IL16: variants seen among roughly 807,000 people sequenced by gnomAD.
The protein encoded by IL16 is interleukin 16.
A neutral mutation model predicts 110.1 loss-of-function variants in IL16; 67 were observed. That is an observed-to-expected ratio of 0.61 (90% CI 0.50 to 0.75). The LOEUF (loss-of-function observed/expected upper bound fraction) is 0.75. Among genes scored for constraint, IL16 ranks in the 30% least tolerant of loss-of-function variants. The pLI is 0.00. For synonymous variants in IL16, 689 were observed against 662.9 expected (o/e 1.04, Z -0.61); for missense variants, 1,545 against 1,655.0 (o/e 0.93, Z 1.15).
chr15:81,306,549 TG>T lies in IL16; in HGVS notation c.3805+8del, dbSNP rs762047453. The T allele has an allele frequency of 2.0e-5, 32 of 1,612,044 alleles. No individual in the cohort carries two copies. Among genetic ancestry groups the T allele is most frequent in the Non-Finnish European group, 2.5e-5 (29 of 1,179,990 alleles). ...ACCATTAACAGGATTTTCAAAGGTG[TG>T]GGGTGTGTCTGGTTCTTTGCGTGCT... is the stretch of plus-strand genomic sequence containing the variant. On this transcript the variant is annotated splice_donor_5th_base_variant and intron_variant, in intron 18 of 18. Transcript: ENST00000683961.
intron 2 of IL16, among the ~76,000 whole-genome samples, chr15:81,246,514 T>G (rs1159796869): frequency 2.0e-5 from 3 of 152,236 alleles, no homozygotes; most frequent in Non-Finnish European, 4.4e-5. Context: ...CAACAAATCT[T>G]TGAATCCCTG....
At chr15:81,210,465 A>G (rs1312869592) in intron 1 of IL16, among the ~76,000 whole-genome samples, 1 of 152,212 alleles carries the variant, frequency 6.6e-6, no homozygotes, top group African/African-American at 2.4e-5. Context: ...ATGGCCATTT[A>G]AACAATATTG....
In IL16 at chr15:81,299,733, G is replaced by C; in HGVS notation, c.2407G>C (p.Ala803Pro). ...RQSLKGLRNR[A>P]SDPRGLPDPA... ...AAGCTTGAAAGGTTTGAGGAATCGTGCTTCAGACCCAAGAGGGCTCCCTGA... is the reference window on the plus strand; with the variant it reads ...AAGCTTGAAAGGTTTGAGGAATCGTCCTTCAGACCCAAGAGGGCTCCCTGA... Residue 803 changes from alanine (A) to proline (P), a missense_variant, in exon 14 of 19, where the codon GCT becomes CCT. Coordinates refer to ENST00000683961, the MANE Select transcript of IL16 (RefSeq NM_172217.5). 6.2e-7 allele frequency: 1 copy of C among 1,614,180 alleles called. No individual in the cohort carries two copies. The highest frequency in any genetic ancestry group is 8.5e-7 in the Non-Finnish European group (1 of 1,180,034).
At chr15:81,217,046 G>A (rs1209588962) in intron 1 of IL16, among the ~76,000 whole-genome samples, 1 of 152,020 alleles carries the variant, frequency 6.6e-6, no homozygotes, top group Non-Finnish European at 1.5e-5. Context: ...ACAAATAAAA[G>A]CAAGAAGGAG....
chr15:81,216,591 TG>T (rs1393550065), intron 1 of IL16, among the ~76,000 whole-genome samples: 2 of 152,172 alleles, frequency 1.3e-5, no homozygotes, highest in Non-Finnish European at 2.9e-5. Context: ...TTCCGCCTCC[TG>T]CTGTCTTTGA....
rs200842787 is a variant in IL16 at position 81,225,671 on chromosome 15, A to G, written c.272A>G (p.Asn91Ser). 106 of 1,613,940 alleles carry G rather than the reference A, an allele frequency of 6.6e-5. No individual in the cohort carries two copies. In the Admixed American group the frequency reaches 7.7e-4, roughly 12 times the overall value. Residue 91 changes from asparagine (N) to serine (S), a missense_variant, in exon 2 of 19, where the codon AAT becomes AGT. By Grantham distance (46) the Asn-to-Ser change is conservative. Coordinates refer to ENST00000683961, the MANE Select transcript of IL16 (RefSeq NM_172217.5). ...SEAAQLQAAG[N>S]DRGKTCRRIF... ...GCTGCTCAACTCCAAGCAGCTGGGA[A>G]TGATCGAGGCAAGACCTGTAGGAGG...
chr15:81,210,930 G>A (rs1234638250), intron 1 of IL16, among the ~76,000 whole-genome samples: 2 of 152,234 alleles, frequency 1.3e-5, no homozygotes, highest in South Asian at 2.1e-4. Context: ...CAATCCTCAA[G>A]GGGAATGGTT....
In IL16 at chr15:81,308,814, G is replaced by A; in HGVS notation, c.*16G>A. 6.2e-7 allele frequency: 1 copy of A among 1,601,622 alleles called. No individual in the cohort carries two copies. The highest frequency in any genetic ancestry group is 1.1e-5 in the South Asian group (1 of 89,592). Reference sequence around the variant, plus strand: ...AGACTCCTAGGCAGGACATGCTGAAGCCAAAGCCAATAACACACAGCTAAC... The same window carrying A: ...AGACTCCTAGGCAGGACATGCTGAAACCAAAGCCAATAACACACAGCTAAC... On this transcript the variant is annotated 3_prime_UTR_variant, in exon 19 of 19. Coordinates refer to ENST00000683961, the MANE Select transcript of IL16 (RefSeq NM_172217.5).
intron 1 of IL16, among the ~76,000 whole-genome samples, chr15:81,183,681 G>C: frequency 6.6e-6 from 1 of 152,198 alleles, no homozygotes; most frequent in Non-Finnish European, 1.5e-5. Flanking sequence ...TAGAACCCTG[G>C]CATCTACTTG....
At chr15:81,189,278 C>G (rs1287494045) in intron 1 of IL16, among the ~76,000 whole-genome samples, 1 of 151,980 alleles carries the variant, frequency 6.6e-6, no homozygotes, top group African/African-American at 2.4e-5. Flanking sequence ...AGCCTGCCAT[C>G]GTGCCCGGCT....
At chr15:81,233,292 A>G (rs919053348) in intron 2 of IL16, among the ~76,000 whole-genome samples, 18 of 152,258 alleles carry the variant, frequency 1.2e-4, no homozygotes, top group African/African-American at 4.3e-4. Context: ...GTACAGTAGC[A>G]CAACCAGCAT....
At chr15:81,232,058 T>G (rs906041629) in intron 2 of IL16, among the ~76,000 whole-genome samples, 2 of 140,544 alleles carry the variant, frequency 1.4e-5, no homozygotes, top group Non-Finnish European at 3.1e-5. Flanking sequence ...TTTTTTTTTT[T>G]TTTTTTTTCT....
At chr15:81,186,854 T>C (rs189914184) in intron 1 of IL16, among the ~76,000 whole-genome samples, 44 of 152,242 alleles carry the variant, frequency 2.9e-4, no homozygotes, top group African/African-American at 9.6e-4. Context: ...GATGAAGTCT[T>C]ACTATGTTGC....
intron 2 of IL16, among the ~76,000 whole-genome samples, chr15:81,250,153 G>A (rs1897716454): frequency 6.6e-6 from 1 of 152,000 alleles, no homozygotes; most frequent in South Asian, 2.1e-4. Flanking sequence ...GTTGCTCCTT[G>A]TAGTTCTCTC....
At position 81,259,794 on chromosome 15, in the gene IL16, G is replaced by T. The variant is rs200454423; in HGVS notation, c.335G>T (p.Arg112Leu). The change falls in exon 3 of 19, where the codon CGA becomes CTA. Residue 112 changes from arginine to leucine, a missense_variant. Physicochemically the swap from Arg to Leu is moderately radical, Grantham distance 102 (BLOSUM62 -2). Coordinates refer to ENST00000683961, the MANE Select transcript of IL16 (RefSeq NM_172217.5). ...FMKESSTASS[R>L]EKPGKLEAQS... ...CAGGAATCTTCCACAGCTTCCTCTC[G>T]AGAAAAGCCTGGAAAACTAGAAGCA... 1.2e-6 allele frequency: 2 copies of T among 1,613,382 alleles called. No individual in the cohort carries two copies. Among genetic ancestry groups the T allele is most frequent in the East Asian group, 2.2e-5 (1 of 44,880 alleles).
intron 1 of IL16, among the ~76,000 whole-genome samples, chr15:81,183,273 A>G (rs914060777): frequency 2.0e-5 from 3 of 152,204 alleles, no homozygotes; most frequent in African/African-American, 7.2e-5. Flanking sequence ...CTAAAACGCT[A>G]GCTGTCAGGG....
chr15:81,285,619 G>A (rs1899409946), intron 9 of IL16, 79 bp from the exon 10 acceptor site: 1 of 1,489,946 alleles, frequency 6.7e-7, no homozygotes, highest in Non-Finnish European at 9.2e-7. Flanking sequence ...GCCCAGCCAG[G>A]AGTGGGCCCC....
At chr15:81,243,154 TATATA>T (rs1352006848) in intron 2 of IL16, among the ~76,000 whole-genome samples, 2 of 44,902 alleles carry the variant, frequency 4.5e-5, no homozygotes, top group Non-Finnish European at 9.2e-5. Context: ...TATATATATA[TATATA>T]TATATTTTTT....
chr15:81,259,956 G>A (rs563532622), intron 3 of IL16, 76 bp downstream of exon 3: 59 of 930,134 alleles, frequency 6.3e-5, no homozygotes, highest in Middle Eastern at 4.3e-4. Context: ...GGAGGATAGC[G>A]GCTCTCTTCT....
Sources: gnomAD v4.1 joint callset for allele counts (sites outside exome capture counted in the v4.1 genomes callset) on GRCh38, gnomAD v4.1.1 for gene constraint, MANE v1.5 for transcripts, NCBI Gene and HGNC (gene_info 2026-07-23, HGNC 2026-07-21) for gene names.